The following RBFOX1 variants were observed in gnomAD, a reference collection of about 807,000 sequenced individuals.
The protein encoded by RBFOX1 is RNA binding protein fox-1 homolog 1.
RBFOX1 carries 8 observed loss-of-function variants against 57.7 expected under a neutral mutation model. The observed-to-expected ratio is 0.14, with a 90% CI of 0.08 to 0.25. The LOEUF (loss-of-function observed/expected upper bound fraction) is 0.25. RBFOX1 is among the 10% of genes least tolerant of loss of function. RBFOX1 has a pLI of 1.00. For missense variants in RBFOX1, 611 were observed against 548.5 expected, an observed-to-expected ratio of 1.11 and a Z score of -1.14; for synonymous variants, 326 against 222.4, an observed-to-expected ratio of 1.47 and a Z score of -4.15.
chr16:6,572,937 C>G (rs997041751), intron 2 of RBFOX1, among the ~76,000 whole-genome samples: 1 of 152,132 alleles, frequency 6.6e-6, no homozygotes, highest in African/African-American at 2.4e-5. Flanking sequence ...CCCAAGAGTG[C>G]TGGGAACTTA....
chr16:6,921,472 A>C (rs966797621), intron 3 of RBFOX1, among the ~76,000 whole-genome samples: 8 of 152,022 alleles, frequency 5.3e-5, no homozygotes, highest in Admixed American at 4.6e-4. Context: ...GTTGGCCATA[A>C]ACCATGTTTA....
At chr16:5,750,384 T>C (rs902539693) in intron 3 of RBFOX1, among the ~76,000 whole-genome samples, 4 of 152,234 alleles carry the variant, frequency 2.6e-5, no homozygotes, top group African/African-American at 4.8e-5. Context: ...ACTAGTACTC[T>C]CTTCAAAGCT....
intron 2 of RBFOX1, among the ~76,000 whole-genome samples, chr16:5,524,176 C>T (rs1387432288): frequency 6.6e-6 from 1 of 152,184 alleles, no homozygotes; most frequent in Non-Finnish European, 1.5e-5. Flanking sequence ...GGGTGATCCT[C>T]TAGAGCTGAG....
chr16:6,929,969 C>T (rs550124633), intron 3 of RBFOX1, among the ~76,000 whole-genome samples: 1 of 152,286 alleles, frequency 6.6e-6, no homozygotes, highest in East Asian at 1.9e-4. Context: ...ATCAGAATGA[C>T]TGGCAAACCT....
intron 4 of RBFOX1, among the ~76,000 whole-genome samples, chr16:7,123,182 T>G (rs2067600936): frequency 6.6e-6 from 1 of 152,138 alleles, no homozygotes; most frequent in Non-Finnish European, 1.5e-5. Flanking sequence ...ATCCAAACTT[T>G]CAAATTTATG....
intron 1 of RBFOX1, among the ~76,000 whole-genome samples, chr16:6,300,927 C>G (rs749001741): frequency 2.0e-5 from 3 of 152,206 alleles, no homozygotes; most frequent in African/African-American, 4.8e-5. Context: ...GAATCCCTAA[C>G]TGTACCTGGC....
chr16:7,479,398 G>A (rs1242597706), intron 4 of RBFOX1, among the ~76,000 whole-genome samples: 1 of 152,092 alleles, frequency 6.6e-6, no homozygotes, highest in Non-Finnish European at 1.5e-5. Context: ...CCAAAGTGCT[G>A]GGATTACAGG....
chr16:7,004,514 A>G (rs1018036447), intron 3 of RBFOX1, among the ~76,000 whole-genome samples: 11 of 152,140 alleles, frequency 7.2e-5, no homozygotes, highest in Non-Finnish European at 1.6e-4. Flanking sequence ...GTATGCCAGC[A>G]CTCCAAGAGA....
At chr16:6,670,307 C>G (rs1163083840) in intron 3 of RBFOX1, among the ~76,000 whole-genome samples, 1 of 152,056 alleles carries the variant, frequency 6.6e-6, no homozygotes, top group Non-Finnish European at 1.5e-5. Context: ...GGAGCTCAAG[C>G]AGTCCTTCCA....
chr16:7,583,617 T>C (rs1260456072), intron 6 of RBFOX1, among the ~76,000 whole-genome samples: 1 of 152,212 alleles, frequency 6.6e-6, no homozygotes, highest in African/African-American at 2.4e-5. Context: ...AGTTGCTCAA[T>C]GACTACAGTT....
intron 4 of RBFOX1, among the ~76,000 whole-genome samples, chr16:7,179,030 A>T (rs917470184): frequency 1.3e-5 from 2 of 152,120 alleles, no homozygotes; most frequent in African/African-American, 4.8e-5. Context: ...TAGGAAGAAT[A>T]GTTCTGCTTT....
intron 2 of RBFOX1, among the ~76,000 whole-genome samples, chr16:6,554,807 AACACACAGACACACAGAC>A (rs1222256511): frequency 6.6e-6 from 1 of 151,314 alleles, no homozygotes; most frequent in Non-Finnish European, 1.5e-5. Context: ...CACACAGATA[AACACACAGACACACAGAC>A]ACACACAGAC....
chr16:7,709,386 G>A (rs1448577705), intron 15 of RBFOX1: 5 of 1,225,976 alleles, frequency 4.1e-6, no homozygotes, highest in Non-Finnish European at 5.4e-6. Context: ...TACCTTAATG[G>A]AATAATTAGT....
chr16:6,489,029 C>T (rs2095568367), intron 2 of RBFOX1, among the ~76,000 whole-genome samples: 1 of 152,158 alleles, frequency 6.6e-6, no homozygotes, highest in South Asian at 2.1e-4. Context: ...TACAGTCTGA[C>T]ACTAAAATTG....
chr16:6,608,963 G>C (rs886454202), intron 2 of RBFOX1, among the ~76,000 whole-genome samples: 5 of 152,050 alleles, frequency 3.3e-5, no homozygotes, highest in African/African-American at 1.2e-4. Flanking sequence ...CCTTTTCCAA[G>C]TTCAAAGCCA....
At chr16:6,808,354 C>A (rs913164621) in intron 3 of RBFOX1, among the ~76,000 whole-genome samples, 14 of 151,992 alleles carry the variant, frequency 9.2e-5, no homozygotes, top group African/African-American at 3.1e-4. Context: ...TTCACTGAAG[C>A]ACCCTTGTCA....
At chr16:5,838,448 T>C (rs894851236) in intron 3 of RBFOX1, 1 of 156,156 alleles carries the variant, frequency 6.4e-6, no homozygotes, top group Non-Finnish European at 1.4e-5. Context: ...CACTGGTAAA[T>C]ACAATCATAT....
At chr16:6,491,224 A>G (rs1488129275) in intron 2 of RBFOX1, among the ~76,000 whole-genome samples, 2 of 151,770 alleles carry the variant, frequency 1.3e-5, no homozygotes, top group Non-Finnish European at 1.5e-5. Context: ...TAGTTAAACT[A>G]TATATATAGT....
intron 1 of RBFOX1, among the ~76,000 whole-genome samples, chr16:5,276,367 C>T (rs1292677888): frequency 2.6e-5 from 4 of 152,118 alleles, no homozygotes; most frequent in Non-Finnish European, 5.9e-5. Context: ...GTGCCAAGGA[C>T]ATGAATAGGC....
Sources: allele counts gnomAD v4.1 joint callset (sites outside exome capture counted in the v4.1 genomes callset), GRCh38; gene constraint gnomAD v4.1.1; transcripts MANE v1.5; gene names NCBI Gene and HGNC (gene_info 2026-07-23, HGNC 2026-07-21).